CEP85L: variants seen among roughly 807,000 people sequenced by gnomAD.
CEP85L encodes the protein centrosomal protein of 85 kDa-like.
Under a neutral mutation model 100.3 loss-of-function variants are expected in CEP85L, and 60 were observed. The ratio of observed to expected loss-of-function variants is 0.60; its 90% CI spans 0.49 to 0.74. The LOEUF is 0.74. Among genes scored for constraint, CEP85L ranks in the 30% least tolerant of loss-of-function variants. The pLI is 0.00. For synonymous variants in CEP85L, 319 were observed against 322.7 expected (o/e 0.99, Z 0.12); for missense variants, 973 against 936.2 (o/e 1.04, Z -0.51).
chr6:118,609,983 T>A (rs1237303371), intron 2 of CEP85L, among the ~76,000 whole-genome samples: 2 of 151,556 alleles, frequency 1.3e-5, no homozygotes, highest in Non-Finnish European at 2.9e-5. Flanking sequence ...GGGAAAAAAA[T>A]TGAGAAGAGA....
intron 3 of CEP85L, among the ~76,000 whole-genome samples, chr6:118,549,842 A>G (rs1460729350): frequency 6.6e-6 from 1 of 151,884 alleles, no homozygotes; most frequent in East Asian, 1.9e-4. Flanking sequence ...ATACTTCTGG[A>G]TAGAGCAGAA....
At chr6:118,594,681 C>A (rs1407525684) in intron 2 of CEP85L, among the ~76,000 whole-genome samples, 1 of 151,522 alleles carries the variant, frequency 6.6e-6, no homozygotes, top group Non-Finnish European at 1.5e-5. Flanking sequence ...ATGGTGAAAC[C>A]CCATCTCTAC....
intron 2 of CEP85L, among the ~76,000 whole-genome samples, chr6:118,620,840 C>G (rs1773389572): frequency 6.6e-6 from 1 of 152,222 alleles, no homozygotes; most frequent in African/African-American, 2.4e-5. Flanking sequence ...TCAGCTGCAA[C>G]TGGGAGACCT....
intron 3 of CEP85L, chr6:118,559,650 T>G (rs1779109833): frequency 5.9e-6 from 1 of 169,128 alleles, no homozygotes; most frequent in Non-Finnish European, 1.4e-5. Flanking sequence ...AGAAATTGTA[T>G]TTTTTCTATG....
chr6:118,478,666 T>C (rs1297261095), intron 10 of CEP85L, among the ~76,000 whole-genome samples: 1 of 152,158 alleles, frequency 6.6e-6, no homozygotes, highest in Non-Finnish European at 1.5e-5. Context: ...CTACATAGTT[T>C]GAATAAAAGA....
At chr6:118,608,983 C>A (rs1772430407) in intron 2 of CEP85L, among the ~76,000 whole-genome samples, 1 of 152,168 alleles carries the variant, frequency 6.6e-6, no homozygotes, top group Non-Finnish European at 1.5e-5. Flanking sequence ...ATCTTAATGG[C>A]TAAATCTCCT....
chr6:118,491,376 C>T, intron 6 of CEP85L: 1 of 748,636 alleles, frequency 1.3e-6, no homozygotes, highest in Non-Finnish European at 1.7e-6. Flanking sequence ...CCTTTATGCC[C>T]AACATGACAA....
intron 2 of CEP85L, among the ~76,000 whole-genome samples, chr6:118,570,554 A>G (rs576284145): frequency 6.6e-5 from 10 of 152,308 alleles, no homozygotes; most frequent in African/African-American, 2.4e-4. Context: ...TATGCTGTCC[A>G]TAGACTATGA....
intron 1 of CEP85L, among the ~76,000 whole-genome samples, chr6:118,666,164 G>A (rs1023090583): frequency 1.3e-5 from 2 of 152,114 alleles, no homozygotes; most frequent in African/African-American, 4.8e-5. Flanking sequence ...CCTAGGGTTG[G>A]TGCTTTCATC....
intron 10 of CEP85L, 30 bp downstream of exon 10, chr6:118,479,840 TA>T: frequency 1.6e-6 from 2 of 1,220,040 alleles, no homozygotes; most frequent in Non-Finnish European, 2.3e-6. Flanking sequence ...AGAATATAGC[TA>T]AATTAAAATA....
At chr6:118,494,839 A>G (rs1402996550) in intron 5 of CEP85L, among the ~76,000 whole-genome samples, 1 of 152,228 alleles carries the variant, frequency 6.6e-6, no homozygotes, top group African/African-American at 2.4e-5. Context: ...CATCAGACAC[A>G]GAGTCAGATA....
intron 2 of CEP85L, among the ~76,000 whole-genome samples, chr6:118,622,021 G>C (rs1163889918): frequency 6.6e-6 from 1 of 152,220 alleles, no homozygotes; most frequent in African/African-American, 2.4e-5. Flanking sequence ...ATGTCACAGA[G>C]AGACCAGGAA....
At chr6:118,590,915 C>A (rs1376206668) in intron 2 of CEP85L, among the ~76,000 whole-genome samples, 1 of 152,108 alleles carries the variant, frequency 6.6e-6, no homozygotes, top group Non-Finnish European at 1.5e-5. Context: ...AGACAAAGGA[C>A]CCTGGTGTTC....
At chr6:118,631,631 C>T (rs1293719240) in intron 2 of CEP85L, among the ~76,000 whole-genome samples, 2 of 152,186 alleles carry the variant, frequency 1.3e-5, no homozygotes, top group African/African-American at 4.8e-5. Context: ...TTACTGAATG[C>T]TACTCATCAA....
chr6:118,503,165 T>C (rs7755203), intron 5 of CEP85L, among the ~76,000 whole-genome samples: 4,492 of 152,194 alleles, frequency 0.03, 115 homozygotes, highest in African/African-American at 0.057. Context: ...AAGTGGAATA[T>C]AAAAATTAAA....
intron 3 of CEP85L, among the ~76,000 whole-genome samples, chr6:118,557,576 G>C (rs1778951339): frequency 6.6e-6 from 1 of 152,144 alleles, no homozygotes. Flanking sequence ...CCTGGGTTGA[G>C]TGTGAGTGTG....
At chr6:118,559,173 C>A in intron 3 of CEP85L, 2 of 923,266 alleles carry the variant, frequency 2.2e-6, no homozygotes, top group Non-Finnish European at 1.8e-6. Context: ...TATAACAGAC[C>A]ACTTCCTGAG....
chr6:118,476,580 C>A (rs1773397675), intron 10 of CEP85L, among the ~76,000 whole-genome samples: 1 of 152,082 alleles, frequency 6.6e-6, no homozygotes, highest in African/African-American at 2.4e-5. Context: ...GACTTATGAT[C>A]CATTTTCCCA....
At chr6:118,598,368 C>T (rs1781559299) in intron 2 of CEP85L, among the ~76,000 whole-genome samples, 1 of 152,148 alleles carries the variant, frequency 6.6e-6, no homozygotes, top group Admixed American at 6.6e-5. Context: ...CATAAAAATA[C>T]ATTAAAATTT....
Sources: allele counts gnomAD v4.1 joint callset (sites outside exome capture counted in the v4.1 genomes callset), GRCh38; gene constraint gnomAD v4.1.1; transcripts MANE v1.5; gene names NCBI Gene and HGNC (gene_info 2026-07-23, HGNC 2026-07-21).